The following TUBB8B variants were observed in gnomAD, a reference collection of about 807,000 sequenced individuals.
The protein encoded by TUBB8B is tubulin beta 8B.
A neutral mutation model predicts 31.9 loss-of-function variants in TUBB8B; 26 were observed. The ratio of observed to expected loss-of-function variants is 0.81; its 90% CI spans 0.60 to 1.13. The LOEUF (loss-of-function observed/expected upper bound fraction) is 1.13, where lower values mean the gene tolerates loss of function less well. Among genes scored for constraint, TUBB8B ranks in the 50% most tolerant of loss-of-function variants. The pLI is 0.00. For synonymous variants in TUBB8B, 173 were observed against 231.0 expected (o/e 0.75, Z 2.28); for missense variants, 467 against 586.7 (o/e 0.80, Z 2.11).
At chr18:64,711 C>T in the TUBB8B span, among the ~76,000 whole-genome samples, 24 of 152,204 alleles carry the variant, frequency 1.6e-4, no homozygotes, top group African/African-American at 5.8e-4. Flanking sequence ...GGCAACAGAG[C>T]GAGAACCTGT....
chr18:57,460 A>G, the TUBB8B span, among the ~76,000 whole-genome samples: 1 of 151,724 alleles, frequency 6.6e-6, no homozygotes, highest in Non-Finnish European at 1.5e-5. Context: ...ATTATTTTTG[A>G]CTCTACGTCC....
chr18:63,739 TCTAACC>T, the TUBB8B span, among the ~76,000 whole-genome samples: 9 of 82,204 alleles, frequency 1.1e-4, no homozygotes, highest in African/African-American at 1.5e-4. Flanking sequence ...TAACCCTAAC[TCTAACC>T]CTAACCCTAG....
At chr18:52,300 G>A (rs1906141704), upstream of TUBB8B, among the ~76,000 whole-genome samples, 2 of 151,644 alleles carry the variant, frequency 1.3e-5, no homozygotes, top group Non-Finnish European at 2.9e-5. Flanking sequence ...CGGAGGCGGT[G>A]GGCAGAAAGG....
At chr18:64,411 A>G in the TUBB8B span, among the ~76,000 whole-genome samples, 2 of 152,166 alleles carry the variant, frequency 1.3e-5, no homozygotes, top group African/African-American at 4.8e-5. Context: ...TAATTAAAAG[A>G]ATATTAAAAT....
In TUBB8B at chr18:49,600, G is replaced by A. The variant is rs1235176106; in HGVS notation, c.-43C>T. On this transcript the variant is annotated 5_prime_UTR_variant, in exon 1 of 4. Coordinates refer to ENST00000308911, the MANE Select transcript of TUBB8B (RefSeq NM_001358689.2). Reference sequence around the variant, plus strand: ...GGCGGCAGCAGAAGCGCGAGAAGGAGGAGCAGACGCGCAGCGACCCAGCCC... The same window carrying A: ...GGCGGCAGCAGAAGCGCGAGAAGGAAGAGCAGACGCGCAGCGACCCAGCCC... 1 of 769,862 alleles carries A rather than the reference G, an allele frequency of 1.3e-6. No individual in the cohort carries two copies. The highest frequency in any genetic ancestry group is 2.2e-6 in the Non-Finnish European group (1 of 446,666). 47.7% of individuals were successfully genotyped at this position (769,862 alleles called of 1,614,324 possible).
chr18:54,728 G>T, the TUBB8B span, among the ~76,000 whole-genome samples: 1 of 151,984 alleles, frequency 6.6e-6, no homozygotes. Context: ...TCTTATAGCT[G>T]AATAGTACTT....
the TUBB8B span, among the ~76,000 whole-genome samples, chr18:57,403 G>T: frequency 5.5e-3 from 832 of 151,948 alleles, 17 homozygotes; most frequent in Non-Finnish European, 8.7e-3. Flanking sequence ...ACCCATACAA[G>T]TCTGAAGCCC....
chr18:48,868 G>A (rs1905884662), intron 3 of TUBB8B, 72 bp downstream of exon 3: 5 of 1,071,088 alleles, frequency 4.7e-6, no homozygotes, highest in South Asian at 3.8e-5. Context: ...CCCACAGGAT[G>A]ACCTTGGGCA....
the TUBB8B span, among the ~76,000 whole-genome samples, chr18:63,208 G>A: frequency 6.6e-6 from 1 of 151,572 alleles, no homozygotes; most frequent in Non-Finnish European, 1.5e-5. Flanking sequence ...ATCCATATCT[G>A]GGCATTGAAG....
Position 49,088 on chromosome 18 carries a change from G to A in TUBB8B, c.167-38C>T, listed in dbSNP as rs768674537. 8 of 1,543,350 alleles carry A rather than the reference G, an allele frequency of 5.2e-6. No individual in the cohort carries two copies. The African/African-American group carries it at 5.4e-5, about 10-fold the overall frequency. ...GGAGGGCATGAGCGAGGGGAGGGCC[G>A]CGTTCCCAGGAGGGCGGTGGGAGAA... On this transcript the variant is annotated intron_variant, in intron 2 of 3. Transcript: ENST00000308911.
In TUBB8B at chr18:47,495, C is replaced by T. The variant is rs764504192; in HGVS notation, c.1230G>A (p.Glu410=). The T allele has an allele frequency of 1.9e-6, 3 of 1,572,802 alleles. No homozygotes were observed. The East Asian group carries it at 6.7e-5, about 35-fold the overall frequency. The change falls in exon 4 of 4, where the codon GAG becomes GAA. Residue 410 remains glutamate (E), a synonymous_variant. Coordinates refer to ENST00000308911, the MANE Select transcript of TUBB8B (RefSeq NM_001358689.2). ...CCAGGTCGTTCATGTTGCTCTCGGCCTCGGTGAATTCCATCTCATCCATGC... is the reference window on the plus strand; with the variant it reads ...CCAGGTCGTTCATGTTGCTCTCGGCTTCGGTGAATTCCATCTCATCCATGC... The part of the protein sequence containing the change: ...GEGMDEMEFT[E]AESNMNDLVS...
chr18:64,760 A>G, the TUBB8B span, among the ~76,000 whole-genome samples: 3 of 152,116 alleles, frequency 2.0e-5, no homozygotes, highest in Non-Finnish European at 4.4e-5. Context: ...GGCAAAGGCT[A>G]CAGGCGCTCT....
At chr18:66,994 TTG>T in the TUBB8B span, among the ~76,000 whole-genome samples, 1 of 138,466 alleles carries the variant, frequency 7.2e-6, no homozygotes, top group Non-Finnish European at 1.5e-5. Flanking sequence ...CTTGTTTTTT[TTG>T]TTTTTTTTTT....
the TUBB8B span, among the ~76,000 whole-genome samples, chr18:58,732 T>A: frequency 2.3e-3 from 352 of 151,652 alleles, 2 homozygotes; most frequent in African/African-American, 7.9e-3. Context: ...GGTATTCATA[T>A]AACAATTTTC....
chr18:57,120 A>G, the TUBB8B span, among the ~76,000 whole-genome samples: 2 of 151,814 alleles, frequency 1.3e-5, no homozygotes, highest in African/African-American at 2.4e-5. Context: ...CACCTAAACT[A>G]TATCATTTTG....
chr18:59,759 G>A, the TUBB8B span, among the ~76,000 whole-genome samples: 1 of 151,474 alleles, frequency 6.6e-6, no homozygotes, highest in Admixed American at 6.6e-5. Context: ...GGCCAGGCTG[G>A]TTTTGAACTC....
the TUBB8B span, among the ~76,000 whole-genome samples, chr18:58,354 G>A: frequency 6.6e-6 from 1 of 151,596 alleles, no homozygotes; most frequent in Non-Finnish European, 1.5e-5. Context: ...GTGAGCATAG[G>A]TTGTTAGAAG....
At chr18:54,913 A>T in the TUBB8B span, among the ~76,000 whole-genome samples, 1 of 151,946 alleles carries the variant, frequency 6.6e-6, no homozygotes, top group African/African-American at 2.4e-5. Context: ...TTCTATGATG[A>T]TCAGTAATGT....
chr18:72,616 C>T, the TUBB8B span, among the ~76,000 whole-genome samples: 1,911 of 152,126 alleles, frequency 0.013, 36 homozygotes, highest in African/African-American at 0.043. Flanking sequence ...TGATAATGTG[C>T]CTACTTTTCC....
Sources: allele counts gnomAD v4.1 joint callset (sites outside exome capture counted in the v4.1 genomes callset), GRCh38; gene constraint gnomAD v4.1.1; transcripts MANE v1.5; gene names NCBI Gene and HGNC (gene_info 2026-07-23, HGNC 2026-07-21).